RPS6KC1: variants seen among roughly 807,000 people sequenced by gnomAD.
RPS6KC1 encodes ribosomal protein S6 kinase C1, also known as inactive ribosomal protein S6 kinase delta-1.
Under a neutral mutation model 103.8 loss-of-function variants are expected in RPS6KC1, and 54 were observed. That is an observed-to-expected ratio of 0.52 (90% confidence interval 0.42 to 0.65). The LOEUF (loss-of-function observed/expected upper bound fraction) is 0.65, where lower values mean the gene tolerates loss of function less well. RPS6KC1 is among the 30% of genes least tolerant of loss of function. RPS6KC1 has a pLI of 0.00. For synonymous variants in RPS6KC1, 439 were observed against 438.7 expected (o/e 1.00, Z -0.01); for missense variants, 1,151 against 1,253.8 (o/e 0.92, Z 1.24).
the RPS6KC1 span, among the ~76,000 whole-genome samples, chr1:213,437,379 A>AT: frequency 4.0e-5 from 6 of 151,876 alleles, no homozygotes; most frequent in East Asian, 3.9e-4. Flanking sequence ...TTGTAATGTA[A>AT]TTTTTTTATG....
At chr1:213,177,248 A>G (rs1460804524) in intron 8 of RPS6KC1, among the ~76,000 whole-genome samples, 2 of 152,218 alleles carry the variant, frequency 1.3e-5, no homozygotes, top group Non-Finnish European at 2.9e-5. Context: ...AAAGCCACAG[A>G]CAACAAACCA....
the RPS6KC1 span, among the ~76,000 whole-genome samples, chr1:213,479,201 G>A: frequency 6.6e-6 from 1 of 152,018 alleles, no homozygotes; most frequent in Admixed American, 6.6e-5. Flanking sequence ...AAGCTTCAGT[G>A]TCTCATTGTG....
At chr1:213,230,899 T>C (rs2094087133) in intron 9 of RPS6KC1, among the ~76,000 whole-genome samples, 1 of 151,358 alleles carries the variant, frequency 6.6e-6, no homozygotes, top group African/African-American at 2.4e-5. Flanking sequence ...AAAATTTGAA[T>C]TTCAAATTAT....
chr1:213,425,295 A>C, the RPS6KC1 span, among the ~76,000 whole-genome samples: 1 of 152,232 alleles, frequency 6.6e-6, no homozygotes, highest in Non-Finnish European at 1.5e-5. Context: ...TTGATGTTGT[A>C]GGTTGACACA....
intron 8 of RPS6KC1, among the ~76,000 whole-genome samples, chr1:213,203,489 GTTTC>G (rs1392699276): frequency 6.6e-6 from 1 of 151,920 alleles, no homozygotes; most frequent in African/African-American, 2.4e-5. Flanking sequence ...TATTGACTGT[GTTTC>G]TTCTTTTATG....
chr1:213,541,798 C>G, the RPS6KC1 span, among the ~76,000 whole-genome samples: 1 of 152,090 alleles, frequency 6.6e-6, no homozygotes, highest in Non-Finnish European at 1.5e-5. Context: ...GGCCAGTGCT[C>G]CATGAACAGA....
the RPS6KC1 span, among the ~76,000 whole-genome samples, chr1:213,326,430 C>T: frequency 6.6e-6 from 1 of 152,194 alleles, no homozygotes; most frequent in Non-Finnish European, 1.5e-5. Flanking sequence ...CAAATGTATG[C>T]AGTTCTGGTG....
chr1:213,243,064 T>A (rs2094391280), intron 12 of RPS6KC1, among the ~76,000 whole-genome samples: 1 of 152,084 alleles, frequency 6.6e-6, no homozygotes, highest in Admixed American at 6.6e-5. Flanking sequence ...GGTGCTGTTA[T>A]GTCTCACTGC....
the RPS6KC1 span, among the ~76,000 whole-genome samples, chr1:213,402,958 C>CAAAAAAAAAAAAAAA: frequency 3.6e-5 from 4 of 111,442 alleles, no homozygotes; most frequent in Non-Finnish European, 5.3e-5. Flanking sequence ...ACTAAAAATA[C>CAAAAAAAAAAAAAAA]AAAAAAAAAA....
At chr1:213,509,558 C>T in the RPS6KC1 span, among the ~76,000 whole-genome samples, 1 of 152,306 alleles carries the variant, frequency 6.6e-6, no homozygotes, top group East Asian at 1.9e-4. Flanking sequence ...TAGAGGGTGT[C>T]TGTTGAACAA....
At chr1:213,572,482 C>G in the RPS6KC1 span, among the ~76,000 whole-genome samples, 1 of 152,144 alleles carries the variant, frequency 6.6e-6, no homozygotes, top group East Asian at 1.9e-4. Context: ...TCTCTGGTTC[C>G]CAGACTGGGG....
the RPS6KC1 span, among the ~76,000 whole-genome samples, chr1:213,695,281 G>A: frequency 2.0e-5 from 3 of 152,222 alleles, no homozygotes; most frequent in African/African-American, 7.2e-5. Flanking sequence ...TGATGCCTTA[G>A]AAATGTCTTG....
At chr1:213,255,761 C>T (rs2094628040) in intron 12 of RPS6KC1, among the ~76,000 whole-genome samples, 2 of 152,236 alleles carry the variant, frequency 1.3e-5, no homozygotes, top group South Asian at 4.1e-4. Context: ...TGTTTTAACA[C>T]CTATAAAGAA....
the RPS6KC1 span, among the ~76,000 whole-genome samples, chr1:213,363,613 G>T: frequency 8.6e-5 from 7 of 81,166 alleles, no homozygotes; most frequent in African/African-American, 1.8e-4. Context: ...TCGCTTGCTT[G>T]CTTGCTTGCT....
At chr1:213,722,262 T>C in the RPS6KC1 span, among the ~76,000 whole-genome samples, 5 of 152,166 alleles carry the variant, frequency 3.3e-5, no homozygotes, top group African/African-American at 7.2e-5. Flanking sequence ...GGTCTTGTCA[T>C]GTCTCAAATC....
chr1:213,577,015 C>T, the RPS6KC1 span, among the ~76,000 whole-genome samples: 1 of 152,194 alleles, frequency 6.6e-6, no homozygotes, highest in Non-Finnish European at 1.5e-5. Context: ...TAAGCCAAAG[C>T]CTAATCCAGA....
the RPS6KC1 span, among the ~76,000 whole-genome samples, chr1:213,660,386 C>G: frequency 1.3e-5 from 2 of 152,320 alleles, no homozygotes; most frequent in African/African-American, 4.8e-5. Flanking sequence ...GGCCTCTGGG[C>G]ACATGTCTGG....
chr1:213,381,675 A>G, the RPS6KC1 span, among the ~76,000 whole-genome samples: 2 of 151,858 alleles, frequency 1.3e-5, no homozygotes, highest in Admixed American at 1.3e-4. Flanking sequence ...AGATATTAAA[A>G]AGCTTGCATG....
At chr1:213,449,801 C>G in the RPS6KC1 span, among the ~76,000 whole-genome samples, 1 of 152,182 alleles carries the variant, frequency 6.6e-6, no homozygotes, top group Non-Finnish European at 1.5e-5. Context: ...TAGCTGTGTT[C>G]CCTTCCACCC....
Sources: gnomAD v4.1 joint callset for allele counts (sites outside exome capture counted in the v4.1 genomes callset) on GRCh38, gnomAD v4.1.1 for gene constraint, MANE v1.5 for transcripts, NCBI Gene and HGNC (gene_info 2026-07-23, HGNC 2026-07-21) for gene names.